The following BLTP1 variants were observed in gnomAD, a reference collection of about 807,000 sequenced individuals.
The protein encoded by BLTP1 is bridge-like lipid transfer protein family member 1.
At chr4:122,248,147 G>A in the BLTP1 span, 2 of 983,634 alleles carry the variant, frequency 2.0e-6, no homozygotes, top group Non-Finnish European at 2.4e-6. Flanking sequence ...CAGGTGTGAG[G>A]CTGAAAGCAT....
At chr4:122,153,157 TC>T in the BLTP1 span, 1 of 301,026 alleles carries the variant, frequency 3.3e-6, no homozygotes, top group Non-Finnish European at 4.7e-6. Flanking sequence ...TTAGTTGTTG[TC>T]GTTTTTTTTT....
the BLTP1 span, chr4:122,243,560 G>A: frequency 2.3e-6 from 1 of 438,866 alleles, no homozygotes; most frequent in Non-Finnish European, 3.0e-6. Context: ...GGCCAACATG[G>A]CAAAACCCCA....
chr4:122,262,186 G>GTA, the BLTP1 span, among the ~76,000 whole-genome samples: 4 of 149,980 alleles, frequency 2.7e-5, no homozygotes, highest in African/African-American at 9.9e-5. Flanking sequence ...GTGTGTGTGT[G>GTA]TATAGTAAGT....
chr4:122,196,403 G>A, the BLTP1 span, among the ~76,000 whole-genome samples: 7 of 152,032 alleles, frequency 4.6e-5, no homozygotes, highest in East Asian at 1.9e-4. Context: ...TTAGTTTGTC[G>A]TAGTAATCTT....
chr4:122,336,072 T>A, the BLTP1 span: 1 of 685,452 alleles, frequency 1.5e-6, no homozygotes, highest in Non-Finnish European at 2.3e-6. Flanking sequence ...ACTTTTATTA[T>A]TTTCTTGTAA....
At chr4:122,219,459 C>G in the BLTP1 span, 2 of 1,614,012 alleles carry the variant, frequency 1.2e-6, no homozygotes, top group Non-Finnish European at 1.7e-6. Flanking sequence ...TGGAAAATGA[C>G]AAAAAGGAAA....
At chr4:122,220,704 CT>C in the BLTP1 span, among the ~76,000 whole-genome samples, 1 of 151,952 alleles carries the variant, frequency 6.6e-6, no homozygotes, top group African/African-American at 2.4e-5. Flanking sequence ...TATTTTATAC[CT>C]TTTGCTATTA....
chr4:122,347,344 T>C, the BLTP1 span: 1 of 837,526 alleles, frequency 1.2e-6, no homozygotes, highest in Non-Finnish European at 1.4e-6. Flanking sequence ...TCATGGAGTT[T>C]AAACAAAACA....
At chr4:122,271,777 C>G in the BLTP1 span, 1 of 1,166,904 alleles carries the variant, frequency 8.6e-7, no homozygotes, top group African/African-American at 1.6e-5. Context: ...ACAATAATAC[C>G]AAAGAAGCAG....
At chr4:122,197,469 A>G in the BLTP1 span, 209 of 847,666 alleles carry the variant, frequency 2.5e-4, no homozygotes, top group Non-Finnish European at 2.9e-4. Flanking sequence ...ACCTTTTCTA[A>G]TCAAGTTCAG....
the BLTP1 span, chr4:122,230,272 T>C: frequency 7.2e-7 from 1 of 1,387,412 alleles, no homozygotes; most frequent in Non-Finnish European, 1.0e-6. Context: ...ACTAGATAAT[T>C]GTAGAGGAAA....
the BLTP1 span, among the ~76,000 whole-genome samples, chr4:122,241,172 A>C: frequency 6.6e-6 from 1 of 152,178 alleles, no homozygotes; most frequent in East Asian, 1.9e-4. Flanking sequence ...ATTTAGACTT[A>C]AATTTGAAGG....
At chr4:122,175,110 G>A in the BLTP1 span, 1 of 977,614 alleles carries the variant, frequency 1.0e-6, no homozygotes, top group Non-Finnish European at 1.2e-6. Flanking sequence ...TGATTGAAAT[G>A]TTCCTTCTTC....
the BLTP1 span, among the ~76,000 whole-genome samples, chr4:122,159,846 A>C: frequency 3.9e-3 from 588 of 152,264 alleles, 6 homozygotes; most frequent in African/African-American, 0.013. Context: ...ATACCAGACA[A>C]TTTCTATTAT....
chr4:122,325,578 G>C, the BLTP1 span: 1 of 1,156,918 alleles, frequency 8.6e-7, no homozygotes, highest in Non-Finnish European at 1.1e-6. Flanking sequence ...TAAGTAGAAA[G>C]GTTTTTGTTG....
the BLTP1 span, among the ~76,000 whole-genome samples, chr4:122,258,033 A>G: frequency 2.0e-5 from 3 of 152,146 alleles, no homozygotes; most frequent in East Asian, 5.8e-4. Context: ...TTGATCCTGA[A>G]TTTATGTAAA....
chr4:122,184,952 T>A, the BLTP1 span: 1 of 984,178 alleles, frequency 1.0e-6, no homozygotes, highest in Non-Finnish European at 1.2e-6. Flanking sequence ...TACTAGCCCA[T>A]TTACGCCAGT....
At chr4:122,265,519 G>A in the BLTP1 span, among the ~76,000 whole-genome samples, 2 of 152,070 alleles carry the variant, frequency 1.3e-5, no homozygotes, top group Non-Finnish European at 1.5e-5. Context: ...AGGAAAGAAC[G>A]GTTAGCAGAT....
the BLTP1 span, chr4:122,325,205 T>C: frequency 6.3e-7 from 1 of 1,575,050 alleles, no homozygotes. Context: ...ATATTGGTGT[T>C]TTATAACTTT....
Sources: allele counts gnomAD v4.1 joint callset (sites outside exome capture counted in the v4.1 genomes callset), GRCh38; gene constraint gnomAD v4.1.1; transcripts MANE v1.5; gene names NCBI Gene and HGNC (gene_info 2026-07-23, HGNC 2026-07-21).